DLG2: variants seen among roughly 807,000 people sequenced by gnomAD.
DLG2 encodes the protein discs large MAGUK scaffold protein 2.
DLG2 carries 45 observed loss-of-function variants against 132.5 expected under a neutral mutation model. The ratio of observed to expected loss-of-function variants is 0.34; its 90% CI spans 0.27 to 0.44. DLG2 has a LOEUF of 0.44. DLG2 is among the 20% of genes least tolerant of loss of function. The probability of loss-of-function intolerance (pLI) is 1.00; values close to 1 mark genes in which losing one functional copy is unlikely to be tolerated. For missense variants in DLG2, 1,045 were observed against 1,196.9 expected (o/e 0.87, Z 1.87); for synonymous variants, 424 against 419.6 (o/e 1.01, Z -0.13).
chr11:85,587,572 C>T (rs1450203533), intron 3 of DLG2, among the ~76,000 whole-genome samples: 1 of 152,084 alleles, frequency 6.6e-6, no homozygotes, highest in East Asian at 1.9e-4. Flanking sequence ...CACCCCATTA[C>T]CTTAAGTGAG....
intron 6 of DLG2, among the ~76,000 whole-genome samples, chr11:84,780,963 T>G (rs897176225): frequency 7.2e-6 from 1 of 139,436 alleles, no homozygotes; most frequent in Non-Finnish European, 1.5e-5. Context: ...AGAGTCAAGC[T>G]ATGAATTGTG....
chr11:85,157,590 A>G (rs2077679087), intron 4 of DLG2, among the ~76,000 whole-genome samples: 1 of 152,170 alleles, frequency 6.6e-6, no homozygotes, highest in South Asian at 2.1e-4. Context: ...AGTTCAGTGG[A>G]CAAAGTGATG....
At chr11:83,831,860 TAGA>T (rs2054625114) in intron 17 of DLG2, among the ~76,000 whole-genome samples, 1 of 151,644 alleles carries the variant, frequency 6.6e-6, no homozygotes, top group Non-Finnish European at 1.5e-5. Context: ...CTTGACATAG[TAGA>T]AGGAGACAGC....
At chr11:83,969,128 A>G (rs1226498901) in intron 12 of DLG2, among the ~76,000 whole-genome samples, 1 of 152,120 alleles carries the variant, frequency 6.6e-6, no homozygotes, top group East Asian at 1.9e-4. Context: ...CAGATGAGAA[A>G]AACTGTTTTT....
intron 19 of DLG2, among the ~76,000 whole-genome samples, chr11:83,564,266 A>G (rs2096663878): frequency 6.6e-6 from 1 of 152,294 alleles, no homozygotes; most frequent in East Asian, 1.9e-4. Context: ...TGTTAAATTC[A>G]TTAGATGAAA....
At chr11:85,571,810 T>A (rs552290647) in intron 3 of DLG2, among the ~76,000 whole-genome samples, 2 of 152,330 alleles carry the variant, frequency 1.3e-5, no homozygotes, top group Admixed American at 1.3e-4. Flanking sequence ...TGCTTTTGAC[T>A]AATGTACCAG....
At chr11:85,030,300 T>C (rs1019364227) in intron 6 of DLG2, among the ~76,000 whole-genome samples, 11 of 152,230 alleles carry the variant, frequency 7.2e-5, no homozygotes, top group African/African-American at 1.2e-4. Context: ...TGGAGTATAT[T>C]GAATTTCCAC....
At chr11:85,116,058 T>C (rs1417611805) in intron 5 of DLG2, among the ~76,000 whole-genome samples, 1 of 151,956 alleles carries the variant, frequency 6.6e-6, no homozygotes, top group Non-Finnish European at 1.5e-5. Context: ...TCTAAGGTAT[T>C]TGACAGATGA....
At chr11:84,484,361 TACTC>T (rs887650299) in intron 7 of DLG2, among the ~76,000 whole-genome samples, 1 of 152,130 alleles carries the variant, frequency 6.6e-6, no homozygotes, top group African/African-American at 2.4e-5. Flanking sequence ...TAGAGCCAGA[TACTC>T]ACCACTCACT....
intron 6 of DLG2, among the ~76,000 whole-genome samples, chr11:84,896,249 A>T (rs2090170246): frequency 6.6e-6 from 1 of 152,216 alleles, no homozygotes; most frequent in South Asian, 2.1e-4. Context: ...TTATATGCAA[A>T]TTCTACAACG....
chr11:83,532,292 T>C (rs1453720022), intron 21 of DLG2, among the ~76,000 whole-genome samples: 1 of 152,132 alleles, frequency 6.6e-6, no homozygotes, highest in African/African-American at 2.4e-5. Flanking sequence ...AGATAATCCA[T>C]GTTTCTATGA....
intron 21 of DLG2, among the ~76,000 whole-genome samples, chr11:83,519,710 T>A (rs1426810145): frequency 6.6e-6 from 1 of 152,238 alleles, no homozygotes; most frequent in Non-Finnish European, 1.5e-5. Context: ...AATTCTTTAT[T>A]TGCCAAATGT....
chr11:84,389,590 A>G (rs113432076), intron 7 of DLG2, among the ~76,000 whole-genome samples: 5 of 152,252 alleles, frequency 3.3e-5, no homozygotes, highest in African/African-American at 1.2e-4. Context: ...GCATGACAAT[A>G]TCTTGTTTTC....
chr11:84,503,496 G>A (rs1052295839), intron 7 of DLG2, among the ~76,000 whole-genome samples: 7 of 152,178 alleles, frequency 4.6e-5, no homozygotes, highest in Admixed American at 1.3e-4. Flanking sequence ...TCCAGTGGAA[G>A]GGTAGTCTGC....
chr11:84,308,768 C>T (rs1202512103), intron 7 of DLG2, among the ~76,000 whole-genome samples: 2 of 152,184 alleles, frequency 1.3e-5, no homozygotes, highest in African/African-American at 4.8e-5. Flanking sequence ...CCCTCCGCAG[C>T]CACTGGCCCG....
intron 2 of DLG2, among the ~76,000 whole-genome samples, chr11:85,610,821 C>T (rs2080945875): frequency 6.6e-6 from 1 of 152,250 alleles, no homozygotes; most frequent in Admixed American, 6.5e-5. Context: ...ACAGCCTATA[C>T]TGGCTTATCA....
intron 11 of DLG2, among the ~76,000 whole-genome samples, chr11:84,009,208 G>T (rs2094742785): frequency 6.6e-6 from 1 of 151,754 alleles, no homozygotes; most frequent in South Asian, 2.1e-4. Context: ...TTTTAAGTTG[G>T]AATATGCCTA....
chr11:83,790,347 T>C, intron 17 of DLG2: 2 of 879,536 alleles, frequency 2.3e-6, no homozygotes, highest in Non-Finnish European at 3.7e-6. Flanking sequence ...TCTTCAGAAC[T>C]GTCCCAATCA....
At chr11:84,144,076 A>T (rs2094969141) in intron 9 of DLG2, among the ~76,000 whole-genome samples, 1 of 152,132 alleles carries the variant, frequency 6.6e-6, no homozygotes, top group Admixed American at 6.6e-5. Context: ...ATGTCTAAGA[A>T]GTTGGGGCCC....
Sources: allele counts gnomAD v4.1 joint callset (sites outside exome capture counted in the v4.1 genomes callset), GRCh38; gene constraint gnomAD v4.1.1; transcripts MANE v1.5; gene names NCBI Gene and HGNC (gene_info 2026-07-23, HGNC 2026-07-21).